SPOCK2: variants seen among roughly 807,000 people sequenced by gnomAD.
SPOCK2 encodes testican-2.
In SPOCK2, 39 loss-of-function variants were observed where a neutral mutation model predicts 60.1. The observed-to-expected ratio is 0.65, with a 90% CI of 0.50 to 0.85. SPOCK2 has a LOEUF of 0.85. Among genes scored for constraint, SPOCK2 ranks in the 40% least tolerant of loss-of-function variants. The probability of loss-of-function intolerance (pLI) is 0.00; values close to 1 mark genes in which losing one functional copy is unlikely to be tolerated. For missense variants in SPOCK2, 523 were observed against 567.4 expected, an observed-to-expected ratio of 0.92 and a Z score of 0.80; for synonymous variants, 217 against 231.5, an observed-to-expected ratio of 0.94 and a Z score of 0.57.
At chr10:72,081,206 G>T (rs940690843) in intron 1 of SPOCK2, among the ~76,000 whole-genome samples, 2 of 152,224 alleles carry the variant, frequency 1.3e-5, no homozygotes, top group African/African-American at 4.8e-5. Context: ...GAAATGTGGG[G>T]CTCAGTGCTT....
Position 72,088,376 on chromosome 10 carries a change from A to G in SPOCK2, c.-48T>C. On this transcript the variant is annotated 5_prime_UTR_variant, in exon 1 of 11. Coordinates refer to ENST00000373109, the MANE Select transcript of SPOCK2 (RefSeq NM_001244950.2). ...GGGGTCTTGACTTCTGCAGTATTTT[A>G]ATGTCCTTCCTCCCACCCCGCTGCT... 1 of 1,470,182 alleles carries G rather than the reference A, an allele frequency of 6.8e-7. No individual in the cohort carries two copies. The highest frequency in any genetic ancestry group is 9.0e-7 in the Non-Finnish European group (1 of 1,111,812). The allele number at this position is 1,470,182 out of a possible 1,614,324, so 91.1% of individuals were successfully genotyped here. A position where few individuals can be genotyped will look rare whatever the true frequency, so the allele number is the denominator to read the frequency against.
In SPOCK2 at chr10:72,088,340, T is replaced by A; in HGVS notation, c.-12A>T. 3 of 1,519,544 alleles carry A rather than the reference T, an allele frequency of 2.0e-6. No homozygotes were observed. Among genetic ancestry groups the A allele is most frequent in the Non-Finnish European group, 2.6e-6 (3 of 1,147,960 alleles). The allele number at this position is 1,519,544 out of a possible 1,614,324, so 94.1% of individuals were successfully genotyped here. On this transcript the variant is annotated 5_prime_UTR_variant, in exon 1 of 11. Coordinates refer to ENST00000373109, the MANE Select transcript of SPOCK2 (RefSeq NM_001244950.2). ...CCCGGGGCGCGCATCGTGGTCTGGG[T>A]TCGACCTGGGGGGGTCTTGACTTCT... is the stretch of plus-strand genomic sequence containing the variant.
chr10:72,066,520 T>C (rs1286890334), intron 8 of SPOCK2, among the ~76,000 whole-genome samples: 28 of 150,782 alleles, frequency 1.9e-4, no homozygotes, highest in Middle Eastern at 3.4e-3. Flanking sequence ...TTTTTTTTTT[T>C]CACAGAGAGG....
At position 72,061,050 on chromosome 10, in the gene SPOCK2, G is replaced by GCA. The variant is rs1840484900; in HGVS notation, c.*1708_*1709dup. 6.5e-6 allele frequency: 1 copy of GCA among 153,026 alleles called. No individual in the cohort carries two copies. Among genetic ancestry groups the GCA allele is most frequent in the Admixed American group, 6.6e-5 (1 of 15,266 alleles). 9.5% of individuals were successfully genotyped at this position (153,026 alleles called of 1,614,324 possible). A position where few individuals can be genotyped will look rare whatever the true frequency, so the allele number is the denominator to read the frequency against. ...GGATGGCCCCCAGGTTCACACACAGGCACACGCACACACGCTGCACTCACC... is the reference window on the plus strand; with the variant it reads ...GGATGGCCCCCAGGTTCACACACAGGCACACACGCACACACGCTGCACTCACC... On this transcript the variant is annotated 3_prime_UTR_variant, in exon 11 of 11. Coordinates refer to ENST00000373109, the MANE Select transcript of SPOCK2 (RefSeq NM_001244950.2).
At chr10:72,068,917 T>A (rs1484631779) in intron 5 of SPOCK2, 1 of 152,368 alleles carries the variant, frequency 6.6e-6, no homozygotes, top group East Asian at 1.9e-4. Flanking sequence ...GGGAAGCGGG[T>A]CATCACAGCG....
intron 8 of SPOCK2, 85 bp downstream of exon 8, chr10:72,066,817 C>T (rs781332242): frequency 2.0e-6 from 3 of 1,498,870 alleles, no homozygotes; most frequent in Admixed American, 3.5e-5. Context: ...CAAGAAAGAG[C>T]CACTCTGACT....
Position 72,078,731 on chromosome 10 carries a change from G to A in SPOCK2, c.190-5821C>T, listed in dbSNP as rs532134097. Among the ~76,000 whole-genome samples the A allele has an allele frequency of 7.9e-5, 12 of 152,122 alleles. No homozygotes were observed. The South Asian group carries it at 2.1e-3, about 26-fold the overall frequency. The stretch of plus-strand genomic sequence containing the variant: ...ACAGCTGTCTCCATCCAGAATGCAA[G>A]TTCACATCAGCCCCAGAATTTCTAC... On this transcript the variant is annotated intron_variant, in intron 1 of 10. Transcript: ENST00000373109.
chr10:72,088,101 C>G (rs1447470567), intron 1 of SPOCK2, 39 bp downstream of exon 1: 1 of 1,603,402 alleles, frequency 6.2e-7, no homozygotes, highest in Non-Finnish European at 8.5e-7. Flanking sequence ...CCCGAACCCG[C>G]AACCCCGGGT....
chr10:72,062,670 A>G lies in SPOCK2; in HGVS notation c.*90T>C. 7 of 1,522,696 alleles carry G rather than the reference A, an allele frequency of 4.6e-6. No homozygotes were observed. The highest frequency in any genetic ancestry group is 6.1e-6 in the Non-Finnish European group (7 of 1,144,488). The allele number at this position is 1,522,696 out of a possible 1,614,324, so 94.3% of individuals were successfully genotyped here. On this transcript the variant is annotated 3_prime_UTR_variant, in exon 11 of 11. Transcript: ENST00000373109. This position sits in a 1 kb window ranked among gnomAD's most constrained non-coding sequence, Gnocchi z 4.3. ...CCCCAGGTGGAGCAGGGTCCTTCTG[A>G]CTGCATTTCTGGATCCGTTCTCGAA...
chr10:72,085,094 C>T (rs1202686002), intron 1 of SPOCK2, among the ~76,000 whole-genome samples: 1 of 152,194 alleles, frequency 6.6e-6, no homozygotes, highest in East Asian at 1.9e-4. Context: ...TCCAAGTGTC[C>T]ATCCCTCTAG....
chr10:72,082,021 G>A (rs1201212481), intron 1 of SPOCK2, among the ~76,000 whole-genome samples: 1 of 152,208 alleles, frequency 6.6e-6, no homozygotes, highest in Non-Finnish European at 1.5e-5. Context: ...AAGGCTGACT[G>A]TTCCCAGACC....
Position 72,062,781 on chromosome 10 carries a change from G to A in SPOCK2, c.1254C>T (p.Asp418=), listed in dbSNP as rs372939069. The change falls in exon 11 of 11, where the codon GAC becomes GAT. Residue 418 remains aspartate (D), a synonymous_variant. Transcript: ENST00000373109. This position sits in a 1 kb window ranked among gnomAD's most constrained non-coding sequence, Gnocchi z 4.3. ...GCGTCTACCAGATGTAGCCCCCGTC[G>A]TCAGCCTCGCCTGCCTCGCCCTCCT... ...EEEEGEAGEA[D]DGGYIW The A allele has an allele frequency of 2.7e-5, 43 of 1,607,144 alleles. No homozygotes were observed. The highest frequency in any genetic ancestry group is 3.3e-5 in the Non-Finnish European group (39 of 1,179,552).
chr10:72,063,247 G>A, intron 9 of SPOCK2, 85 bp from the exon 10 acceptor site: 1 of 1,524,402 alleles, frequency 6.6e-7, no homozygotes, highest in Non-Finnish European at 8.8e-7. Context: ...CCTCATGCAT[G>A]AGCAGAAGTC....
chr10:72,070,880 C>T (rs994147441), intron 4 of SPOCK2, among the ~76,000 whole-genome samples: 5 of 151,982 alleles, frequency 3.3e-5, no homozygotes, highest in African/African-American at 4.8e-5. Flanking sequence ...GGATTCTTGG[C>T]CTGTCTTTGA....
Position 72,064,239 on chromosome 10 carries a change from C to A in SPOCK2, c.930G>T (p.Lys310Asn). 6.3e-7 allele frequency: 1 copy of A among 1,595,356 alleles called. No individual in the cohort carries two copies. The highest frequency in any genetic ancestry group is 1.7e-5 in the Admixed American group (1 of 57,774). Reference protein sequence around the residue: ...AEWCFCFWREKPPCLAELERI... With the variant: ...AEWCFCFWRENPPCLAELERI... ...GCTCCAGCTCTGCCAGGCAGGGGGG[C>A]TCTGTGGGGAGAGAAGCAGCCTCTG... The change falls in exon 9 of 11, where the codon AAG (lysine) becomes AAT (asparagine). Residue 310 changes from lysine to asparagine, a missense_variant and splice_region_variant. By Grantham distance (94) the Lys-to-Asn change is moderately conservative. Transcript: ENST00000373109.
Position 72,064,191 on chromosome 10 carries a change from G to C in SPOCK2, c.978C>G (p.Ala326=). 6.2e-7 allele frequency: 1 copy of C among 1,612,148 alleles called. No homozygotes were observed. The highest frequency in any genetic ancestry group is 8.5e-7 in the Non-Finnish European group (1 of 1,179,396). The change falls in exon 9 of 11, where the codon GCC becomes GCG. Residue 326 remains alanine, a synonymous_variant. Coordinates refer to ENST00000373109, the MANE Select transcript of SPOCK2 (RefSeq NM_001244950.2). ...CTGGCCCCTCACCTGGCTTCTTCTT[G>C]GCGGCCTCCTGGATCTGGATGCGCT... ...ELERIQIQEA[A]KKKPGIFIPS...
At position 72,060,776 on chromosome 10, in the gene SPOCK2, A is replaced by C. The variant is rs2131806926; in HGVS notation, c.*1984T>G. On this transcript the variant is annotated 3_prime_UTR_variant, in exon 11 of 11. Coordinates refer to ENST00000373109, the MANE Select transcript of SPOCK2 (RefSeq NM_001244950.2). The stretch of plus-strand genomic sequence containing the variant: ...ATCAGAACTGGGCTGCGGAATGGGA[A>C]GCAGTTTATGGAGTTAAGTGGGGCT... 6.6e-6 allele frequency: 1 copy of C among 152,522 alleles called. No homozygotes were observed. The highest frequency in any genetic ancestry group is 1.9e-4 in the East Asian group (1 of 5,182). The allele number at this position is 152,522 out of a possible 1,614,324, so 9.4% of individuals were successfully genotyped here. A position where few individuals can be genotyped will look rare whatever the true frequency, so the allele number is the denominator to read the frequency against.
At chr10:72,067,272 C>T (rs1201546780) in intron 7 of SPOCK2, 152 bp from the exon 8 acceptor site, 4 of 842,770 alleles carry the variant, frequency 4.7e-6, no homozygotes, top group East Asian at 2.7e-5. Flanking sequence ...TCGAGAACGG[C>T]GAAAGGTCCT....
intron 1 of SPOCK2, among the ~76,000 whole-genome samples, chr10:72,081,045 TG>T (rs1435114315): frequency 3.3e-5 from 5 of 151,756 alleles, no homozygotes; most frequent in Non-Finnish European, 7.4e-5. Flanking sequence ...AACATGGGGG[TG>T]GGGGTCAGAA....
Sources: gnomAD v4.1 joint callset for allele counts (sites outside exome capture counted in the v4.1 genomes callset) on GRCh38, gnomAD v4.1.1 for gene constraint, Gnocchi (gnomAD v3.1) non-coding constraint, MANE v1.5 for transcripts, NCBI Gene and HGNC (gene_info 2026-07-23, HGNC 2026-07-21) for gene names.